The following MTMR7 variants were observed in gnomAD, a reference collection of about 807,000 sequenced individuals.
MTMR7 encodes myotubularin related protein 7.
MTMR7 carries 76 observed loss-of-function variants against 81.2 expected under a neutral mutation model. That is an observed-to-expected ratio of 0.94 (90% CI 0.78 to 1.13). The LOEUF is 1.13. Ranked by LOEUF, MTMR7 falls within the 50% of genes most tolerant of loss-of-function variation. MTMR7 has a pLI of 0.00. For missense variants in MTMR7, 1,044 were observed against 820.0 expected (o/e 1.27, Z -3.34); for synonymous variants, 372 against 289.8 (o/e 1.28, Z -2.88).
At chr8:17,382,038 C>T (rs11992547) in intron 1 of MTMR7, among the ~76,000 whole-genome samples, 8,652 of 152,158 alleles carry the variant, frequency 0.057, 344 homozygotes, top group African/African-American at 0.11. Flanking sequence ...AGACTACCTA[C>T]GAGGATACAA....
chr8:17,334,047 T>C (rs1039574935), intron 6 of MTMR7, among the ~76,000 whole-genome samples: 1 of 152,206 alleles, frequency 6.6e-6, no homozygotes, highest in African/African-American at 2.4e-5. Context: ...CTGATTATCC[T>C]TGATCTGGGA....
At chr8:17,303,972 G>A (rs542049157) in intron 12 of MTMR7, among the ~76,000 whole-genome samples, 41 of 152,174 alleles carry the variant, frequency 2.7e-4, no homozygotes, top group African/African-American at 9.9e-4. Flanking sequence ...AAGTAATTGC[G>A]GTTTTTGCCT....
chr8:17,371,026 C>T lies in MTMR7; in HGVS notation c.310+11G>A. The T allele has an allele frequency of 6.2e-7, 1 of 1,605,496 alleles. No homozygotes were observed. Among genetic ancestry groups the T allele is most frequent in the South Asian group, 1.1e-5 (1 of 89,328 alleles). Reference sequence around the variant, plus strand: ...AGGTTCCATATTAAATGCCGAGTTCCTCTGCCCTACCTGGCCTTGCAAGGC... The same window carrying T: ...AGGTTCCATATTAAATGCCGAGTTCTTCTGCCCTACCTGGCCTTGCAAGGC... On this transcript the variant is annotated intron_variant, in intron 3 of 13. Coordinates refer to ENST00000180173, the MANE Select transcript of MTMR7 (RefSeq NM_004686.5).
intron 1 of MTMR7, among the ~76,000 whole-genome samples, chr8:17,383,788 G>A (rs781470735): frequency 2.0e-5 from 3 of 150,844 alleles, no homozygotes; most frequent in African/African-American, 7.4e-5. Context: ...CGGTTCTCCC[G>A]GTGGTCGAGG....
chr8:17,390,314 G>C (rs1042667458), intron 1 of MTMR7, among the ~76,000 whole-genome samples: 1 of 151,552 alleles, frequency 6.6e-6, no homozygotes, highest in African/African-American at 2.4e-5. Context: ...GAAAGAGTGA[G>C]GGAGGAGGTG....
intron 7 of MTMR7, among the ~76,000 whole-genome samples, chr8:17,317,204 T>C (rs575244152): frequency 4.6e-5 from 7 of 152,178 alleles, no homozygotes; most frequent in Non-Finnish European, 8.8e-5. Flanking sequence ...TTTTTGCCTA[T>C]CCATTCACAT....
intron 1 of MTMR7, among the ~76,000 whole-genome samples, chr8:17,398,473 T>G (rs113232098): frequency 3.3e-5 from 5 of 152,066 alleles, no homozygotes; most frequent in Non-Finnish European, 5.9e-5. Context: ...ATTAGTGAGC[T>G]TGAAGACAAG....
rs529962443 is a variant in MTMR7 at position 17,408,887 on chromosome 8, C to T, written c.24+4382G>A. Among the ~76,000 whole-genome samples, 3 of 152,180 alleles carry T rather than the reference C, an allele frequency of 2.0e-5. No homozygotes were observed. In the South Asian group the frequency reaches 6.3e-4, roughly 32 times the overall value. ...GGGGGTGACAAAAGTGTTCTAGAACCAGATGGTGGTGATGTCTGCACAATA... is the reference window on the plus strand; with the variant it reads ...GGGGGTGACAAAAGTGTTCTAGAACTAGATGGTGGTGATGTCTGCACAATA... On this transcript the variant is annotated intron_variant, in intron 1 of 13. Transcript: ENST00000180173.
intron 1 of MTMR7, among the ~76,000 whole-genome samples, chr8:17,410,110 G>A (rs1047458594): frequency 7.2e-5 from 11 of 151,940 alleles, no homozygotes; most frequent in African/African-American, 2.7e-4. Flanking sequence ...CATCATCCAG[G>A]CCCCTCTGTG....
chr8:17,404,311 G>T (rs919910321), intron 1 of MTMR7, among the ~76,000 whole-genome samples: 9 of 152,208 alleles, frequency 5.9e-5, no homozygotes, highest in African/African-American at 1.9e-4. Context: ...TCCAGCACTG[G>T]AACGGTGGAT....
Position 17,311,590 on chromosome 8 carries a change from C to G in MTMR7, c.1022G>C (p.Gly341Ala). The change falls in exon 9 of 14, where the codon GGC becomes GCC. Residue 341 changes from glycine (G) to alanine (A), a missense_variant. By Grantham distance (60) the Gly-to-Ala change is moderately conservative (BLOSUM62 0). Coordinates refer to ENST00000180173, the MANE Select transcript of MTMR7 (RefSeq NM_004686.5). Reference protein sequence around the residue: ...GASVLVHCSDGWDRTAQVCSV... With the variant: ...GASVLVHCSDAWDRTAQVCSV... ...GCACACCTGAGCGGTCCTGTCCCAG[C>G]CATCAGAACAGTGAACAAGCACACT... 6.2e-7 allele frequency: 1 copy of G among 1,614,142 alleles called. No individual in the cohort carries two copies. The highest frequency in any genetic ancestry group is 8.5e-7 in the Non-Finnish European group (1 of 1,180,030).
Position 17,371,094 on chromosome 8 carries a change from G to A in MTMR7, c.253C>T (p.Pro85Ser). Residue 85 changes from proline (P) to serine (S), a missense_variant, in exon 3 of 14, where the codon CCT becomes TCT. Physicochemically the swap from Pro to Ser is moderately conservative, Grantham distance 74 (BLOSUM62 -1). Coordinates refer to ENST00000180173, the MANE Select transcript of MTMR7 (RefSeq NM_004686.5). ...ACGTCGTGGCAATCTCTTTCCTGAG[G>A]TATGATGAGCTGTATTATCTGAAAG... ...KNFQIIQLII[P>S]QERDCHDVYI... 4.3e-6 allele frequency: 7 copies of A among 1,614,180 alleles called. No individual in the cohort carries two copies. The highest frequency in any genetic ancestry group is 1.1e-5 in the South Asian group (1 of 91,068).
intron 3 of MTMR7, among the ~76,000 whole-genome samples, chr8:17,361,958 G>T (rs546555971): frequency 6.6e-6 from 1 of 152,112 alleles, no homozygotes; most frequent in African/African-American, 2.4e-5. Context: ...TGTTATCTCT[G>T]TCTTTATATA....
rs1156932160 is a variant in MTMR7, at chr8:17,299,472, A to G, written c.*390T>C. The G allele has an allele frequency of 1.1e-5, 2 of 175,104 alleles. No homozygotes were observed. The highest frequency in any genetic ancestry group is 2.9e-4 in the East Asian group (2 of 6,928). The allele number at this position is 175,104 out of a possible 1,614,324, so 10.8% of individuals were successfully genotyped here. A position where few individuals can be genotyped will look rare whatever the true frequency, so the allele number is the denominator to read the frequency against. The stretch of plus-strand genomic sequence containing the variant: ...TTTAGAAAACACAAAATATGCATCT[A>G]GAAGTGAACTAAAAGAATCATGATG... On this transcript the variant is annotated 3_prime_UTR_variant, in exon 14 of 14. Transcript: ENST00000180173.
intron 9 of MTMR7, among the ~76,000 whole-genome samples, chr8:17,311,036 T>C (rs1817753941): frequency 6.6e-6 from 1 of 152,192 alleles, no homozygotes; most frequent in Non-Finnish European, 1.5e-5. Context: ...ATTTTCAGCA[T>C]TCTCATCCAG....
intron 7 of MTMR7, among the ~76,000 whole-genome samples, chr8:17,314,385 CAT>C (rs761943695): frequency 5.3e-5 from 8 of 152,186 alleles, no homozygotes; most frequent in African/African-American, 1.9e-4. Flanking sequence ...TAGTCTTGCA[CAT>C]GTTATTCCAG....
chr8:17,307,638 T>A (rs1817541932), intron 10 of MTMR7, among the ~76,000 whole-genome samples: 1 of 152,104 alleles, frequency 6.6e-6, no homozygotes, highest in South Asian at 2.1e-4. Context: ...AACCAACCTA[T>A]ATGTCCAACA....
At chr8:17,377,884 G>A (rs932576341) in intron 1 of MTMR7, among the ~76,000 whole-genome samples, 1 of 152,096 alleles carries the variant, frequency 6.6e-6, no homozygotes, top group Non-Finnish European at 1.5e-5. Flanking sequence ...CTACGATAAA[G>A]ATATTATGAA....
chr8:17,378,221 A>C (rs1178211897), intron 1 of MTMR7, among the ~76,000 whole-genome samples: 1 of 152,186 alleles, frequency 6.6e-6, no homozygotes, highest in Admixed American at 6.5e-5. Flanking sequence ...TTGAAGATAC[A>C]GAGAGGGAAA....
Sources: gnomAD v4.1 joint callset for allele counts (sites outside exome capture counted in the v4.1 genomes callset) on GRCh38, gnomAD v4.1.1 for gene constraint, MANE v1.5 for transcripts, NCBI Gene and HGNC (gene_info 2026-07-23, HGNC 2026-07-21) for gene names.